The following YEATS2 variants were observed in gnomAD, a reference collection of about 807,000 sequenced individuals.
YEATS2 encodes YEATS domain-containing protein 2.
In YEATS2, 77 loss-of-function variants were observed where a neutral mutation model predicts 163.2. That is an observed-to-expected ratio of 0.47 (90% CI 0.39 to 0.57). YEATS2 has a LOEUF of 0.57. Ranked by LOEUF, YEATS2 falls within the 20% of genes least tolerant of loss-of-function variation. The probability of loss-of-function intolerance (pLI) is 0.00; values close to 1 mark genes in which losing one functional copy is unlikely to be tolerated. For missense variants in YEATS2, 1,549 were observed against 1,729.8 expected, an observed-to-expected ratio of 0.90 and a Z score of 1.85; for synonymous variants, 631 against 645.1, an observed-to-expected ratio of 0.98 and a Z score of 0.33.
intron 19 of YEATS2, among the ~76,000 whole-genome samples, chr3:183,781,464 T>G (rs1723554766): frequency 6.6e-6 from 1 of 152,228 alleles, no homozygotes; most frequent in African/African-American, 2.4e-5. Context: ...AGGGCGGATC[T>G]TCTTTACTCT....
At chr3:183,773,986 C>T (rs1052792872) in intron 17 of YEATS2, among the ~76,000 whole-genome samples, 192 bp downstream of exon 17, 16 of 152,138 alleles carry the variant, frequency 1.1e-4, no homozygotes, top group African/African-American at 3.4e-4. Context: ...TGCTCCTCAG[C>T]GTTTGCAATC....
At chr3:183,751,730 A>G (rs1720185773) in intron 9 of YEATS2, among the ~76,000 whole-genome samples, 1 of 152,206 alleles carries the variant, frequency 6.6e-6, no homozygotes, top group Admixed American at 6.5e-5. Flanking sequence ...AGAAGGTGCT[A>G]CTTCATTGAG....
At chr3:183,764,088 A>G (rs262987) in intron 15 of YEATS2, among the ~76,000 whole-genome samples, 62,197 of 151,642 alleles carry the variant, frequency 0.41, 13,417 homozygotes, top group East Asian at 0.65. Context: ...ACAAAAAACA[A>G]TGGCTGGGCA....
intron 1 of YEATS2, among the ~76,000 whole-genome samples, chr3:183,707,103 T>C (rs1336046065): frequency 6.6e-6 from 1 of 152,250 alleles, no homozygotes; most frequent in Non-Finnish European, 1.5e-5. Flanking sequence ...ACTATGTATA[T>C]GCAAATATTC....
chr3:183,745,888 G>A (rs2109240968), intron 8 of YEATS2, among the ~76,000 whole-genome samples: 1 of 152,218 alleles, frequency 6.6e-6, no homozygotes, highest in East Asian at 1.9e-4. Context: ...CTGAAGTGCG[G>A]TGATGCAAAC....
chr3:183,756,000 C>T (rs1312299485), intron 11 of YEATS2, among the ~76,000 whole-genome samples: 1 of 152,090 alleles, frequency 6.6e-6, no homozygotes, highest in East Asian at 1.9e-4. Flanking sequence ...CCTGCCTCGG[C>T]CTCCCAAAGT....
intron 15 of YEATS2, among the ~76,000 whole-genome samples, chr3:183,765,611 C>T (rs1228226458): frequency 1.3e-5 from 2 of 152,166 alleles, no homozygotes; most frequent in Non-Finnish European, 2.9e-5. Flanking sequence ...TCTGTGAGTA[C>T]AGACTGTTCC....
chr3:183,705,433 T>G (rs1714521950), intron 1 of YEATS2, among the ~76,000 whole-genome samples: 1 of 152,172 alleles, frequency 6.6e-6, no homozygotes, highest in South Asian at 2.1e-4. Flanking sequence ...CTTTTTCTGT[T>G]TGTTGTATGT....
intron 1 of YEATS2, among the ~76,000 whole-genome samples, chr3:183,714,206 T>G (rs150921034): frequency 0.017 from 2,536 of 151,158 alleles, 76 homozygotes; most frequent in East Asian, 0.14. Context: ...GATTTTTTTT[T>G]TTTTTTTGAG....
At position 183,771,542 on chromosome 3, in the gene YEATS2, C is replaced by CTTTTTTTTTTT. The variant is rs1722462151; in HGVS notation, c.1948-763_1948-762insTTTTTTTTTTT. Among the ~76,000 whole-genome samples, 19 of 60,814 alleles carry CTTTTTTTTTTT rather than the reference C, an allele frequency of 3.1e-4. 2 individuals carry two copies. The highest frequency in any genetic ancestry group is 8.0e-4 in the Admixed American group (3 of 3,738). The allele number at this position is 60,814 out of a possible 152,430, so 39.9% of individuals were successfully genotyped here. A position where few individuals can be genotyped will look rare whatever the true frequency, so the allele number is the denominator to read the frequency against. Reference sequence around the variant, plus strand: ...TTTTAATAGTTAAATATTATTCTTGCCTTTTTTTTTTTTTTTTTTTTTTCT... The same window carrying CTTTTTTTTTTT: ...TTTTAATAGTTAAATATTATTCTTGCTTTTTTTTTTTCTTTTTTTTTTTTTTTTTTTTTTCT... On this transcript the variant is annotated intron_variant, in intron 15 of 30. Transcript: ENST00000305135.
In YEATS2 at chr3:183,810,463, T is replaced by G. The variant is rs1011665493; in HGVS notation, c.4161-12T>G. On this transcript the variant is annotated splice_polypyrimidine_tract_variant and intron_variant, in intron 30 of 30. Coordinates refer to ENST00000305135, the MANE Select transcript of YEATS2 (RefSeq NM_018023.5). The stretch of plus-strand genomic sequence containing the variant: ...AATTTCACCTGGTAACACCCTTTGT[T>G]TTTTGGACCAGGATTCCCAAAGAAA... 1.2e-6 allele frequency: 2 copies of G among 1,610,620 alleles called. No individual in the cohort carries two copies. The highest frequency in any genetic ancestry group is 1.7e-6 in the Non-Finnish European group (2 of 1,177,126).
In YEATS2 at chr3:183,798,988, A is replaced by G. The variant is rs1725419721; in HGVS notation, c.3324A>G (p.Lys1108=). Residue 1108 remains lysine (K), a splice_region_variant and synonymous_variant, in exon 23 of 31, where the codon AAA becomes AAG. Coordinates refer to ENST00000305135, the MANE Select transcript of YEATS2 (RefSeq NM_018023.5). ...GCTCTGCTCCAGCAGCTGTTGCAAAAGGTACGTAGGATCTCACAGAGTTCT... is the reference window on the plus strand; with the variant it reads ...GCTCTGCTCCAGCAGCTGTTGCAAAGGGTACGTAGGATCTCACAGAGTTCT... ...VPSSAPAAVA[K]VKTEPETPGP... The G allele has an allele frequency of 6.2e-7, 1 of 1,611,650 alleles. No homozygotes were observed. Among genetic ancestry groups the G allele is most frequent in the Admixed American group, 1.7e-5 (1 of 59,992 alleles).
intron 6 of YEATS2, 69 bp downstream of exon 6, chr3:183,724,600 A>G (rs543782663): frequency 2.7e-6 from 3 of 1,121,854 alleles, no homozygotes; most frequent in African/African-American, 1.6e-5. Flanking sequence ...ATACTCTTAC[A>G]GTGTTACAGT....
At chr3:183,705,275 C>A (rs140713747) in intron 1 of YEATS2, among the ~76,000 whole-genome samples, 2,038 of 152,210 alleles carry the variant, frequency 0.013, 124 homozygotes, top group Admixed American at 0.1. Context: ...GTCTTGAACT[C>A]CTGAGCTCAA....
At chr3:183,701,675 C>T (rs1714109133) in intron 1 of YEATS2, among the ~76,000 whole-genome samples, 1 of 152,156 alleles carries the variant, frequency 6.6e-6, no homozygotes. Flanking sequence ...ATTACAGGCA[C>T]ATGAGCCACT....
intron 25 of YEATS2, chr3:183,802,504 T>TGTATACATGTATATATATATATACAC (rs1725763498): frequency 6.9e-6 from 1 of 144,338 alleles, no homozygotes. Flanking sequence ...TGTGTGTGTG[T>TGTATACATGTATATATATATATACAC]GTGTGTATAC....
intron 19 of YEATS2, among the ~76,000 whole-genome samples, chr3:183,785,832 A>G (rs1724013522): frequency 6.6e-6 from 1 of 152,224 alleles, no homozygotes; most frequent in South Asian, 2.1e-4. Context: ...TGTTGTAATC[A>G]AGTATTTTGA....
chr3:183,708,450 A>C (rs1714850869), intron 1 of YEATS2, among the ~76,000 whole-genome samples: 1 of 151,932 alleles, frequency 6.6e-6, no homozygotes, highest in Non-Finnish European at 1.5e-5. Context: ...ATCTTCCCTG[A>C]CTCGAGAGCT....
At chr3:183,808,626 C>T (rs1726474675) in intron 29 of YEATS2, 2 of 170,970 alleles carry the variant, frequency 1.2e-5, no homozygotes, top group South Asian at 1.4e-4. Flanking sequence ...GAGGCCGAGG[C>T]GGGTGGATCA....
Sources: allele counts gnomAD v4.1 joint callset (sites outside exome capture counted in the v4.1 genomes callset), GRCh38; gene constraint gnomAD v4.1.1; transcripts MANE v1.5; gene names NCBI Gene and HGNC (gene_info 2026-07-23, HGNC 2026-07-21).